Variants in EEF1E1 observed in about 807,000 individuals in gnomAD.
The protein encoded by EEF1E1 is eukaryotic translation elongation factor 1 epsilon-1.
A neutral mutation model predicts 19.9 loss-of-function variants in EEF1E1; 19 were observed. The observed-to-expected ratio is 0.95, with a 90% CI of 0.66 to 1.40. The LOEUF is 1.40. Among genes scored for constraint, EEF1E1 ranks in the 40% most tolerant of loss-of-function variants. EEF1E1 has a pLI of 0.00. For missense variants in EEF1E1, 198 were observed against 202.2 expected, an observed-to-expected ratio of 0.98 and a Z score of 0.13; for synonymous variants, 81 against 80.0, an observed-to-expected ratio of 1.01 and a Z score of -0.07.
At position 8,083,628 on chromosome 6, in the gene EEF1E1, C is replaced by T. The variant is rs562337375; in HGVS notation, c.385-3598G>A. 4.6e-5 allele frequency among the ~76,000 whole-genome samples: 7 copies of T among 152,290 alleles called. No homozygotes were observed. The South Asian group carries it at 8.3e-4, about 18-fold the overall frequency. Reference sequence around the variant, plus strand: ...TAGACCAGATCTTAGAATAACTCAGCCATGACTAAAATTGGGCTCACAATG... The same window carrying T: ...TAGACCAGATCTTAGAATAACTCAGTCATGACTAAAATTGGGCTCACAATG... On this transcript the variant is annotated intron_variant, in intron 3 of 3. Transcript: ENST00000379715.
At chr6:8,084,285 T>TA (rs1419450365) in intron 3 of EEF1E1, among the ~76,000 whole-genome samples, 1 of 152,188 alleles carries the variant, frequency 6.6e-6, no homozygotes. Context: ...CTAACCTGCC[T>TA]AAAAACCAAG....
At position 8,102,499 on chromosome 6, in the gene EEF1E1, G is replaced by A. The variant is rs148546181; in HGVS notation, c.23C>T (p.Ser8Leu). 1.9e-5 allele frequency: 31 copies of A among 1,611,566 alleles called. No individual in the cohort carries two copies. The Admixed American group carries it at 4.5e-4, about 23-fold the overall frequency. MAAAAEL[S>L]LLEKSLGLSK... ...CAGTCCCAGGGACTTCTCCAGTAGCGACAACTCTGCGGCCGCCGCCATCTT... is the reference window on the plus strand; with the variant it reads ...CAGTCCCAGGGACTTCTCCAGTAGCAACAACTCTGCGGCCGCCGCCATCTT... Residue 8 changes from serine to leucine, a missense_variant, in exon 1 of 4, where the codon TCG becomes TTG. Ser to Leu is a moderately radical substitution (Grantham distance 145). Transcript: ENST00000379715.
chr6:8,097,423 C>G lies in EEF1E1; in HGVS notation c.132G>C (p.Leu44Phe). ...QTNNGPSLTGLTTIAAHLVKQ... is the reference protein window; with the variant it reads ...QTNNGPSLTGFTTIAAHLVKQ... ...TGACTAGATGAGCTGCTATAGTAGT[C>G]AATCCTGTTAGACTTGGACCATTGT... The change falls in exon 2 of 4, where the codon TTG becomes TTC. Residue 44 changes from leucine to phenylalanine, a missense_variant. Physicochemically the swap from Leu to Phe is conservative, Grantham distance 22. Coordinates refer to ENST00000379715, the MANE Select transcript of EEF1E1 (RefSeq NM_004280.5). The G allele has an allele frequency of 6.2e-7, 1 of 1,614,046 alleles. No individual in the cohort carries two copies. The highest frequency in any genetic ancestry group is 8.5e-7 in the Non-Finnish European group (1 of 1,180,008).
At chr6:8,079,347 T>C, downstream of EEF1E1, 1 of 940,428 alleles carries the variant, frequency 1.1e-6, no homozygotes, top group Non-Finnish European at 1.3e-6. Flanking sequence ...AGTAGTTAGT[T>C]TCACCCCAAT....
rs1554099744 is a variant in EEF1E1 at position 8,099,751 on chromosome 6, AACACACACACACAC to A, written c.88-2298_88-2285del. ...AACAAGAGTGAAGCTCCGCCTCAAAAACACACACACACACACACACACACACACACACACACACA... is the reference window on the plus strand; with the variant it reads ...AACAAGAGTGAAGCTCCGCCTCAAAAACACACACACACACACACACACACA... On this transcript the variant is annotated intron_variant, in intron 1 of 3. Coordinates refer to ENST00000379715, the MANE Select transcript of EEF1E1 (RefSeq NM_004280.5). 1.2e-3 allele frequency among the ~76,000 whole-genome samples: 116 copies of A among 92,964 alleles called. 6 individuals carry two copies. In the East Asian group the frequency reaches 0.024, roughly 19 times the overall value. 61.0% of individuals were successfully genotyped at this position (92,964 alleles called of 152,430 possible).
At chr6:8,097,144 C>T in intron 2 of EEF1E1, 123 bp downstream of exon 2, 1 of 946,874 alleles carries the variant, frequency 1.1e-6, no homozygotes, top group Non-Finnish European at 1.7e-6. Flanking sequence ...ATAACAGATG[C>T]AAACTACTGA....
chr6:8,098,472 A>G (rs1758236893), intron 1 of EEF1E1, among the ~76,000 whole-genome samples: 1 of 152,170 alleles, frequency 6.6e-6, no homozygotes, highest in African/African-American at 2.4e-5. Context: ...ATTTTCATAC[A>G]TCTACATCAA....
intron 2 of EEF1E1, chr6:8,095,296 T>C (rs1366187337): frequency 3.2e-6 from 1 of 315,716 alleles, no homozygotes; most frequent in East Asian, 1.3e-4. Flanking sequence ...AGGTCAGGAG[T>C]TCGAGACCAG....
rs768224090 is a variant in EEF1E1 at position 8,099,791 on chromosome 6, C to CACACAA, written c.88-2325_88-2324insTTGTGT. ...ACACACACACACACACACACACACACAAAAAAAAAACAGAACCCTCTATAA... is the reference window on the plus strand; with the variant it reads ...ACACACACACACACACACACACACACACACAAAAAAAAAAAACAGAACCCTCTATAA... On this transcript the variant is annotated intron_variant, in intron 1 of 3. Coordinates refer to ENST00000379715, the MANE Select transcript of EEF1E1 (RefSeq NM_004280.5). Among the ~76,000 whole-genome samples, 1,098 of 114,536 alleles carry CACACAA rather than the reference C, an allele frequency of 9.6e-3. 11 individuals carry two copies. The highest frequency in any genetic ancestry group is 0.011 in the African/African-American group (333 of 30,090). 75.1% of individuals were successfully genotyped at this position (114,536 alleles called of 152,430 possible). A position where few individuals can be genotyped will look rare whatever the true frequency, so the allele number is the denominator to read the frequency against.
chr6:8,102,174 C>T (rs1316000110), intron 1 of EEF1E1: 2 of 1,204,854 alleles, frequency 1.7e-6, no homozygotes, highest in Non-Finnish European at 2.2e-6. Flanking sequence ...TTTGTTTCCT[C>T]ATAATGGGAT....
At position 8,097,295 on chromosome 6, in the gene EEF1E1, C is replaced by T; in HGVS notation, c.260G>A (p.Ser87Asn). 1 of 1,614,190 alleles carries T rather than the reference C, an allele frequency of 6.2e-7. No homozygotes were observed. Among genetic ancestry groups the T allele is most frequent in the Non-Finnish European group, 8.5e-7 (1 of 1,180,026 alleles). The change falls in exon 2 of 4, where the codon AGT (serine) becomes AAT (asparagine). Residue 87 changes from serine (S) to asparagine (N), a missense_variant. Ser to Asn is a conservative substitution (Grantham distance 46, BLOSUM62 1). Coordinates refer to ENST00000379715, the MANE Select transcript of EEF1E1 (RefSeq NM_004280.5). ...YRVTQVDGHS[S>N]KNDIHTLLKD... ...CAACAGTGTGTGGATGTCATTTTTACTGGAGTGCCCATCTACTTGAGTGAC... is the reference window on the plus strand; with the variant it reads ...CAACAGTGTGTGGATGTCATTTTTATTGGAGTGCCCATCTACTTGAGTGAC...
intron 1 of EEF1E1, chr6:8,102,057 C>A: frequency 8.6e-7 from 1 of 1,161,236 alleles, no homozygotes; most frequent in Non-Finnish European, 1.1e-6. Context: ...GGAGTCGCTG[C>A]GCAATAACTG....
At chr6:8,078,805 CAT>C (rs1757658735), downstream of EEF1E1, 1 of 1,221,140 alleles carries the variant, frequency 8.2e-7, no homozygotes, top group Non-Finnish European at 1.0e-6. Flanking sequence ...CTTTTTTCTT[CAT>C]GTTGTCTACT....
rs1220828569 is a variant in EEF1E1 at position 8,097,378 on chromosome 6, A to C, written c.177T>G (p.Tyr59Ter). ...AHLVKQANKE[Y>*]LLGSTAEEKA... The stretch of plus-strand genomic sequence containing the variant: ...TTTCTTCTGCAGTACTCCCCAGCAA[A>C]TATTCTTTGTTGGCTTGCTTGACTA... Residue 59 changes from tyrosine (Y) to a stop codon, truncating the protein, a stop_gained, in exon 2 of 4, where the codon TAT becomes TAG. Coordinates refer to ENST00000379715, the MANE Select transcript of EEF1E1 (RefSeq NM_004280.5). LOFTEE classifies it high-confidence loss of function. 1 of 1,614,074 alleles carries C rather than the reference A, an allele frequency of 6.2e-7. No homozygotes were observed. Among genetic ancestry groups the C allele is most frequent in the Non-Finnish European group, 8.5e-7 (1 of 1,180,008 alleles).
chr6:8,073,489 C>T, exon 4 of EEF1E1: 1 of 1,551,524 alleles, frequency 6.4e-7, no homozygotes, highest in Non-Finnish European at 8.7e-7. Flanking sequence ...TTCCCTACCT[C>T]TGTGTGCCTC....
downstream of EEF1E1, among the ~76,000 whole-genome samples, chr6:8,075,965 C>T (rs944225487): frequency 9.2e-5 from 14 of 152,180 alleles, no homozygotes; most frequent in African/African-American, 3.4e-4. Context: ...TTTCTTTGTT[C>T]ACCCATAAAA....
intron 2 of EEF1E1, among the ~76,000 whole-genome samples, chr6:8,091,628 T>C (rs1758013237): frequency 6.6e-6 from 1 of 152,220 alleles, no homozygotes; most frequent in Admixed American, 6.5e-5. Context: ...ATGGAAAATG[T>C]TGGCTTCTCT....
At chr6:8,075,813 T>A (rs1757576386), downstream of EEF1E1, among the ~76,000 whole-genome samples, 1 of 152,226 alleles carries the variant, frequency 6.6e-6, no homozygotes, top group Non-Finnish European at 1.5e-5. Context: ...AAGTAGAACT[T>A]CTTTCAAAAT....
Position 8,080,045 on chromosome 6 carries a change from A to C in EEF1E1, c.385-15T>G, listed in dbSNP as rs1260080514. ...GTCAGGTCAACCTAAGTAGAGATTA[A>C]AAACATACACACACAACACAGATGT... On this transcript the variant is annotated splice_polypyrimidine_tract_variant and intron_variant, in intron 3 of 3. Transcript: ENST00000379715. The C allele has an allele frequency of 1.2e-6, 2 of 1,612,300 alleles. No homozygotes were observed. The highest frequency in any genetic ancestry group is 1.7e-6 in the Non-Finnish European group (2 of 1,179,532).
Sources: gnomAD v4.1 joint callset for allele counts (sites outside exome capture counted in the v4.1 genomes callset) on GRCh38, gnomAD v4.1.1 for gene constraint, MANE v1.5 for transcripts, NCBI Gene and HGNC (gene_info 2026-07-23, HGNC 2026-07-21) for gene names.